DLGAP2: variants seen among roughly 807,000 people sequenced by gnomAD.
The protein encoded by DLGAP2 is disks large-associated protein 2.
Under a neutral mutation model 100.3 loss-of-function variants are expected in DLGAP2, and 26 were observed. That is an observed-to-expected ratio of 0.26 (90% CI 0.19 to 0.36). DLGAP2 has a LOEUF of 0.36. DLGAP2 is among the 10% of genes least tolerant of loss of function. The pLI, the probability that DLGAP2 is intolerant of heterozygous loss-of-function variation, is 1.00. For synonymous variants in DLGAP2, 886 were observed against 630.1 expected (o/e 1.41, Z -6.08); for missense variants, 1,858 against 1,453.2 (o/e 1.28, Z -4.53).
chr8:777,539 A>T (rs1273946104), intron 1 of DLGAP2, among the ~76,000 whole-genome samples: 1 of 151,952 alleles, frequency 6.6e-6, no homozygotes. Context: ...CTTTTAGGGC[A>T]GGCCTGGTGG....
chr8:1,380,971 G>T (rs1263602110), intron 3 of DLGAP2: 1 of 133,266 alleles, frequency 7.5e-6, no homozygotes, highest in Non-Finnish European at 1.6e-5. Context: ...CACCCAAAAG[G>T]CCAAAAAGGA....
At chr8:867,926 A>G (rs1797528747) in intron 1 of DLGAP2, among the ~76,000 whole-genome samples, 1 of 152,228 alleles carries the variant, frequency 6.6e-6, no homozygotes, top group Non-Finnish European at 1.5e-5. Flanking sequence ...TGCCAATTTT[A>G]TACTCATTAT....
intron 1 of DLGAP2, among the ~76,000 whole-genome samples, chr8:787,051 G>A (rs1352911393): frequency 1.3e-5 from 2 of 152,026 alleles, no homozygotes; most frequent in East Asian, 3.9e-4. Flanking sequence ...ATTTAGTTTT[G>A]TTATTAAAGA....
At chr8:1,060,181 A>G (rs1415728414) in intron 2 of DLGAP2, among the ~76,000 whole-genome samples, 1 of 152,194 alleles carries the variant, frequency 6.6e-6, no homozygotes, top group Non-Finnish European at 1.5e-5. Context: ...TCCCGTGGCC[A>G]CCGTCATGAA....
Position 1,286,061 on chromosome 8 carries a change from T to C in DLGAP2, c.106+27178T>C. ...TCTGTGACTGCACCGAAATCTCACC[T>C]TGAGTTGTAGTAATCGCTGTGTGTC... On this transcript the variant is annotated intron_variant, in intron 3 of 14. Coordinates refer to ENST00000637795, the MANE Select transcript of DLGAP2 (RefSeq NM_001346810.2). 1.3e-5 allele frequency among the ~76,000 whole-genome samples: 2 copies of C among 152,242 alleles called. 1 individual carries two copies. The highest frequency in any genetic ancestry group is 2.9e-5 in the Non-Finnish European group (2 of 68,046).
intron 3 of DLGAP2, among the ~76,000 whole-genome samples, chr8:1,499,224 C>A (rs1325432024): frequency 6.6e-6 from 1 of 152,220 alleles, no homozygotes; most frequent in African/African-American, 2.4e-5. Flanking sequence ...TGCTAAACTC[C>A]ATGCCTGTTG....
intron 2 of DLGAP2, among the ~76,000 whole-genome samples, chr8:1,231,100 A>G (rs1230809898): frequency 2.0e-5 from 3 of 152,180 alleles, no homozygotes; most frequent in Admixed American, 6.5e-5. Flanking sequence ...TTTGCAAGCT[A>G]TGGTCTAATA....
At chr8:807,586 C>T (rs965100125) in intron 1 of DLGAP2, among the ~76,000 whole-genome samples, 1 of 119,374 alleles carries the variant, frequency 8.4e-6, no homozygotes, top group Non-Finnish European at 1.8e-5. Context: ...CATATGTTCT[C>T]TCTCCTCTTT....
chr8:903,119 C>G (rs1451455610), intron 1 of DLGAP2, among the ~76,000 whole-genome samples: 3 of 151,916 alleles, frequency 2.0e-5, no homozygotes, highest in South Asian at 2.1e-4. Flanking sequence ...GTCAGAGTCC[C>G]TATGAGTTAT....
intron 3 of DLGAP2, 94 bp from the exon 4 acceptor site, chr8:1,501,272 C>T: frequency 7.7e-7 from 1 of 1,301,762 alleles, no homozygotes; most frequent in African/African-American, 1.5e-5. Context: ...CATGTTTGAA[C>T]TGTTGAGTGT....
chr8:1,139,519 C>T (rs777537350), intron 2 of DLGAP2, among the ~76,000 whole-genome samples: 4 of 152,186 alleles, frequency 2.6e-5, no homozygotes, highest in Non-Finnish European at 5.9e-5. Flanking sequence ...TTTGCAGGAG[C>T]CCCACCCTCT....
intron 4 of DLGAP2, among the ~76,000 whole-genome samples, chr8:1,506,559 C>T (rs1469632829): frequency 6.6e-6 from 1 of 152,172 alleles, no homozygotes; most frequent in Non-Finnish European, 1.5e-5. Context: ...AGATTTAGTG[C>T]ATACAGCGTA....
At chr8:1,093,022 C>A (rs1791941863) in intron 2 of DLGAP2, among the ~76,000 whole-genome samples, 1 of 152,212 alleles carries the variant, frequency 6.6e-6, no homozygotes, top group South Asian at 2.1e-4. Flanking sequence ...TGGGCAGGCG[C>A]CCTGGGAAGA....
At chr8:1,076,809 G>T (rs1803627092) in intron 2 of DLGAP2, among the ~76,000 whole-genome samples, 1 of 146,614 alleles carries the variant, frequency 6.8e-6, no homozygotes, top group South Asian at 2.2e-4. Flanking sequence ...TGGAGGAGGA[G>T]TCTGTCCCAG....
intron 5 of DLGAP2, among the ~76,000 whole-genome samples, chr8:1,561,485 G>A (rs1293806859): frequency 1.3e-5 from 2 of 152,136 alleles, no homozygotes; most frequent in South Asian, 2.1e-4. Flanking sequence ...GGGCCTCTTG[G>A]AATCTGGGTG....
At chr8:1,431,764 T>G (rs1320060713) in intron 3 of DLGAP2, among the ~76,000 whole-genome samples, 1 of 152,182 alleles carries the variant, frequency 6.6e-6, no homozygotes, top group East Asian at 1.9e-4. Flanking sequence ...TTCTTTAGTT[T>G]GGTGTTTTCA....
chr8:1,179,568 T>A (rs146680332), intron 2 of DLGAP2, among the ~76,000 whole-genome samples: 5 of 152,258 alleles, frequency 3.3e-5, no homozygotes, highest in African/African-American at 9.6e-5. Flanking sequence ...GACGGTGGAA[T>A]TAATTTGGCA....
At chr8:839,348 T>C (rs989680267) in intron 1 of DLGAP2, among the ~76,000 whole-genome samples, 1 of 152,144 alleles carries the variant, frequency 6.6e-6, no homozygotes, top group African/African-American at 2.4e-5. Context: ...TAACAACAGG[T>C]GAATGGATAA....
At chr8:1,053,643 A>C (rs1563166854) in intron 2 of DLGAP2, among the ~76,000 whole-genome samples, 2 of 152,144 alleles carry the variant, frequency 1.3e-5, no homozygotes, top group Non-Finnish European at 2.9e-5. Flanking sequence ...CCGTGTTTGG[A>C]GACGGGATAA....
Sources: gnomAD v4.1 joint callset for allele counts (sites outside exome capture counted in the v4.1 genomes callset) on GRCh38, gnomAD v4.1.1 for gene constraint, MANE v1.5 for transcripts, NCBI Gene and HGNC (gene_info 2026-07-23, HGNC 2026-07-21) for gene names.